The following B4GALT1 variants were observed in gnomAD, a reference collection of about 807,000 sequenced individuals.
The protein encoded by B4GALT1 is beta-1,4-galactosyltransferase 1.
Under a neutral mutation model 34.9 loss-of-function variants are expected in B4GALT1, and 16 were observed. That is an observed-to-expected ratio of 0.46 (90% CI 0.31 to 0.70). The LOEUF (loss-of-function observed/expected upper bound fraction) is 0.70. B4GALT1 is among the 30% of genes least tolerant of loss of function. B4GALT1 has a pLI of 0.05. For synonymous variants in B4GALT1, 221 were observed against 218.1 expected (o/e 1.01, Z -0.12); for missense variants, 445 against 530.5 (o/e 0.84, Z 1.58).
the B4GALT1 span, among the ~76,000 whole-genome samples, chr9:33,174,973 AAAAAAAAAAAAAAAAAAATATAT>A: frequency 8.7e-5 from 3 of 34,486 alleles, no homozygotes; most frequent in African/African-American, 2.7e-4. Context: ...AAAAAAAAAA[AAAAAAAAAAAAAAAAAAATATAT>A]ATATATATAT....
chr9:33,127,725 T>C (rs1019404196), intron 2 of B4GALT1, among the ~76,000 whole-genome samples: 37 of 152,350 alleles, frequency 2.4e-4, no homozygotes, highest in African/African-American at 7.9e-4. Flanking sequence ...GTGATGATGA[T>C]GAAGACTATG....
At chr9:33,119,066 T>C (rs1407243793) in intron 3 of B4GALT1, among the ~76,000 whole-genome samples, 1 of 152,164 alleles carries the variant, frequency 6.6e-6, no homozygotes, top group African/African-American at 2.4e-5. Context: ...TTCACCATGC[T>C]GGTCAGGCTG....
intron 2 of B4GALT1, among the ~76,000 whole-genome samples, chr9:33,129,447 G>C (rs1185917675): frequency 1.3e-5 from 2 of 152,198 alleles, no homozygotes; most frequent in Non-Finnish European, 2.9e-5. Flanking sequence ...GCCCCACTGG[G>C]AACGGAGGCT....
In B4GALT1 at chr9:33,163,509, G is replaced by A. The variant is rs3780479; in HGVS notation, c.412+3249C>T. Among the ~76,000 whole-genome samples, 51 of 152,208 alleles carry A rather than the reference G, an allele frequency of 3.4e-4. No homozygotes were observed. The East Asian group carries it at 9.7e-3, about 29-fold the overall frequency. Reference sequence around the variant, plus strand: ...GAGGGGACTGTACCAACCATCCCAGGCCCCAGCTGAGCCCCCAGGCCAGCC... The same window carrying A: ...GAGGGGACTGTACCAACCATCCCAGACCCCAGCTGAGCCCCCAGGCCAGCC... On this transcript the variant is annotated intron_variant, in intron 1 of 5. Coordinates refer to ENST00000379731, the MANE Select transcript of B4GALT1 (RefSeq NM_001497.4).
intron 2 of B4GALT1, among the ~76,000 whole-genome samples, chr9:33,131,173 TGAG>T (rs534869642): frequency 1.7e-3 from 254 of 152,290 alleles, no homozygotes; most frequent in African/African-American, 5.8e-3. Context: ...ACCCTGGCCA[TGAG>T]GAGTGTCACT....
intron 1 of B4GALT1, among the ~76,000 whole-genome samples, chr9:33,138,082 C>T (rs1238531524): frequency 6.6e-6 from 1 of 152,372 alleles, no homozygotes; most frequent in Non-Finnish European, 1.5e-5. Context: ...CTTGCTCGTA[C>T]CTTCTGAAAC....
chr9:33,137,218 C>T (rs1840284536), intron 1 of B4GALT1, among the ~76,000 whole-genome samples: 1 of 152,216 alleles, frequency 6.6e-6, no homozygotes, highest in African/African-American at 2.4e-5. Flanking sequence ...CTGTCTGTCT[C>T]CCTCCCCATC....
chr9:33,134,689 T>G (rs1840241460), intron 2 of B4GALT1, among the ~76,000 whole-genome samples: 1 of 152,206 alleles, frequency 6.6e-6, no homozygotes, highest in African/African-American at 2.4e-5. Context: ...CGAATCAGAC[T>G]TCTCCAGATA....
At chr9:33,137,484 TG>T in intron 1 of B4GALT1, among the ~76,000 whole-genome samples, 1 of 152,190 alleles carries the variant, frequency 6.6e-6, no homozygotes, top group African/African-American at 2.4e-5. Flanking sequence ...GACTGCCTGC[TG>T]AGCCAGCTCC....
At chr9:33,156,410 G>C (rs184161959) in intron 1 of B4GALT1, among the ~76,000 whole-genome samples, 1 of 152,210 alleles carries the variant, frequency 6.6e-6, no homozygotes, top group African/African-American at 2.4e-5. Context: ...CTGGGAATAC[G>C]GGTGTGAGCC....
chr9:33,108,370 T>C (rs568007956), downstream of B4GALT1, among the ~76,000 whole-genome samples: 1 of 151,028 alleles, frequency 6.6e-6, no homozygotes, highest in African/African-American at 2.4e-5. Flanking sequence ...CCCAGCACTT[T>C]GGGAGACTGA....
intron 2 of B4GALT1, among the ~76,000 whole-genome samples, chr9:33,126,361 T>C (rs1005542914): frequency 6.6e-6 from 1 of 152,224 alleles, no homozygotes; most frequent in African/African-American, 2.4e-5. Context: ...CCTGGGATTA[T>C]ACAAATGCTG....
chr9:33,165,046 C>CA (rs1290036562), intron 1 of B4GALT1, among the ~76,000 whole-genome samples: 1 of 147,112 alleles, frequency 6.8e-6, no homozygotes, highest in Admixed American at 6.9e-5. Flanking sequence ...AATCTTGACT[C>CA]ACTGCAACCT....
At position 33,117,889 on chromosome 9, in the gene B4GALT1, A is replaced by G. The variant is rs539605039; in HGVS notation, c.837-1776T>C. 2.6e-5 allele frequency among the ~76,000 whole-genome samples: 4 copies of G among 152,350 alleles called. No individual in the cohort carries two copies. The South Asian group carries it at 8.3e-4, about 32-fold the overall frequency. ...TCTGATAATCAGTGCTTTTACAGAA[A>G]TGGATTCTTAGCTATTTCAGAGGGA... On this transcript the variant is annotated intron_variant, in intron 3 of 5. Coordinates refer to ENST00000379731, the MANE Select transcript of B4GALT1 (RefSeq NM_001497.4).
intron 2 of B4GALT1, among the ~76,000 whole-genome samples, chr9:33,125,193 C>T (rs1840073690): frequency 6.6e-6 from 1 of 152,174 alleles, no homozygotes; most frequent in South Asian, 2.1e-4. Context: ...CAGACATAGA[C>T]TCTGGAGGCG....
At chr9:33,166,176 C>A (rs964303194) in intron 1 of B4GALT1, among the ~76,000 whole-genome samples, 1 of 152,160 alleles carries the variant, frequency 6.6e-6, no homozygotes, top group Non-Finnish European at 1.5e-5. Context: ...TACCATTGTT[C>A]ACAATATCTT....
intron 1 of B4GALT1, among the ~76,000 whole-genome samples, chr9:33,142,875 T>C (rs1840373658): frequency 6.6e-6 from 1 of 151,690 alleles, no homozygotes; most frequent in Non-Finnish European, 1.5e-5. Flanking sequence ...CCAGGTGCGG[T>C]GGCTCACACC....
At chr9:33,148,215 G>C (rs1289453545) in intron 1 of B4GALT1, among the ~76,000 whole-genome samples, 2 of 152,160 alleles carry the variant, frequency 1.3e-5, no homozygotes, top group Non-Finnish European at 2.9e-5. Flanking sequence ...ATTTACCTAA[G>C]AGGAATCCCA....
chr9:33,110,299 A>G (rs949090392), downstream of B4GALT1, among the ~76,000 whole-genome samples: 1 of 152,270 alleles, frequency 6.6e-6, no homozygotes, highest in Non-Finnish European at 1.5e-5. Flanking sequence ...CCTGAGATCT[A>G]CATCTGAATG....
Sources: gnomAD v4.1 joint callset for allele counts (sites outside exome capture counted in the v4.1 genomes callset) on GRCh38, gnomAD v4.1.1 for gene constraint, MANE v1.5 for transcripts, NCBI Gene and HGNC (gene_info 2026-07-23, HGNC 2026-07-21) for gene names.